Variants in PLEKHA7 observed in about 807,000 individuals in gnomAD.
PLEKHA7 encodes the protein pleckstrin homology domain-containing family A member 7.
PLEKHA7 carries 104 observed loss-of-function variants against 170.0 expected under a neutral mutation model. The observed-to-expected ratio is 0.61, with a 90% CI of 0.52 to 0.72. PLEKHA7 has a LOEUF of 0.72. PLEKHA7 is among the 30% of genes least tolerant of loss of function. PLEKHA7 has a pLI of 0.00. For synonymous variants in PLEKHA7, 648 were observed against 660.8 expected, an observed-to-expected ratio of 0.98 and a Z score of 0.30; for missense variants, 1,615 against 1,671.7, an observed-to-expected ratio of 0.97 and a Z score of 0.59.
intron 3 of PLEKHA7, among the ~76,000 whole-genome samples, chr11:16,903,853 A>G (rs1393345736): frequency 6.6e-6 from 1 of 152,248 alleles, no homozygotes; most frequent in Non-Finnish European, 1.5e-5. Flanking sequence ...CACCTGGGGC[A>G]GCACACAGTC....
intron 19 of PLEKHA7, among the ~76,000 whole-genome samples, chr11:16,793,025 G>C (rs1847965923): frequency 1.3e-5 from 2 of 152,180 alleles, no homozygotes; most frequent in South Asian, 4.1e-4. Context: ...ACCTCTCCTG[G>C]TGATCCTGAT....
chr11:16,856,056 C>A, intron 4 of PLEKHA7, 142 bp from the exon 5 acceptor site: 1 of 688,434 alleles, frequency 1.5e-6, no homozygotes, highest in Admixed American at 2.6e-5. Flanking sequence ...TGACTCCAGA[C>A]TGCAGCCAGA....
chr11:16,848,252 G>T (rs939097459), intron 8 of PLEKHA7, among the ~76,000 whole-genome samples: 2 of 152,204 alleles, frequency 1.3e-5, no homozygotes, highest in African/African-American at 4.8e-5. Flanking sequence ...AAAAAGCAAG[G>T]ATTTTGTCCT....
chr11:16,794,795 C>A, intron 18 of PLEKHA7, 81 bp from the exon 19 acceptor site: 2 of 1,538,158 alleles, frequency 1.3e-6, no homozygotes, highest in Admixed American at 3.4e-5. Context: ...AATTTAGCAC[C>A]TCGAAGACTC....
intron 10 of PLEKHA7, among the ~76,000 whole-genome samples, chr11:16,820,680 C>T (rs1424041397): frequency 3.3e-5 from 5 of 152,190 alleles, no homozygotes; most frequent in South Asian, 4.1e-4. Context: ...CCCACCCATA[C>T]GCCCTTCCTG....
intron 8 of PLEKHA7, among the ~76,000 whole-genome samples, chr11:16,847,493 A>G (rs1033214846): frequency 2.6e-5 from 4 of 152,174 alleles, no homozygotes; most frequent in African/African-American, 4.8e-5. Context: ...AGGAGTGGCT[A>G]AAAATGTGGC....
chr11:16,980,627 A>G (rs930381516), intron 3 of PLEKHA7, among the ~76,000 whole-genome samples: 4 of 152,134 alleles, frequency 2.6e-5, no homozygotes, highest in African/African-American at 9.7e-5. Context: ...AGGGGAATAA[A>G]AAACCAGCAA....
chr11:16,959,188 A>G (rs928452621), intron 3 of PLEKHA7, among the ~76,000 whole-genome samples: 1 of 151,452 alleles, frequency 6.6e-6, no homozygotes, highest in East Asian at 1.9e-4. Flanking sequence ...TCACCCAGGT[A>G]TTAGGCCCAG....
intron 3 of PLEKHA7, among the ~76,000 whole-genome samples, chr11:16,893,269 T>G (rs1430949237): frequency 6.6e-6 from 1 of 152,242 alleles, no homozygotes; most frequent in Non-Finnish European, 1.5e-5. Flanking sequence ...GAAGCCAAAC[T>G]GTTCTCCTGC....
At chr11:16,923,814 C>T (rs1326387003) in intron 3 of PLEKHA7, among the ~76,000 whole-genome samples, 4 of 152,206 alleles carry the variant, frequency 2.6e-5, no homozygotes, top group Non-Finnish European at 5.9e-5. Flanking sequence ...AGAATGTCAA[C>T]TTCCAAGACA....
chr11:16,936,172 T>C (rs977963864), intron 3 of PLEKHA7, among the ~76,000 whole-genome samples: 1 of 151,322 alleles, frequency 6.6e-6, no homozygotes, highest in Non-Finnish European at 1.5e-5. Context: ...GAGGCCGAGG[T>C]GGGCGGATCA....
intron 3 of PLEKHA7, among the ~76,000 whole-genome samples, chr11:16,956,326 C>T (rs961591454): frequency 2.0e-5 from 3 of 152,166 alleles, no homozygotes; most frequent in Admixed American, 6.5e-5. Context: ...GCCACATGCA[C>T]GTGTTGAATA....
At chr11:16,810,401 G>A (rs867064985) in intron 13 of PLEKHA7, among the ~76,000 whole-genome samples, 1 of 152,178 alleles carries the variant, frequency 6.6e-6, no homozygotes, top group Admixed American at 6.5e-5. Context: ...AAGCCGGGGG[G>A]TGCCAGCCTT....
At chr11:16,860,636 T>G (rs1853868995) in intron 4 of PLEKHA7, among the ~76,000 whole-genome samples, 1 of 152,212 alleles carries the variant, frequency 6.6e-6, no homozygotes, top group Non-Finnish European at 1.5e-5. Context: ...AGGAGGAAAC[T>G]AAGGCTCACA....
chr11:16,915,687 T>A (rs1858606043), intron 3 of PLEKHA7, among the ~76,000 whole-genome samples: 1 of 151,868 alleles, frequency 6.6e-6, no homozygotes, highest in East Asian at 1.9e-4. Context: ...ACAAAGGACA[T>A]GAACTCATCA....
At chr11:16,884,380 C>G (rs948199345) in intron 3 of PLEKHA7, among the ~76,000 whole-genome samples, 1 of 152,226 alleles carries the variant, frequency 6.6e-6, no homozygotes, top group African/African-American at 2.4e-5. Flanking sequence ...TGCCTATAAT[C>G]CCAACACTTT....
intron 3 of PLEKHA7, among the ~76,000 whole-genome samples, chr11:16,957,385 T>C (rs1456762004): frequency 1.3e-5 from 2 of 152,246 alleles, no homozygotes; most frequent in Non-Finnish European, 2.9e-5. Flanking sequence ...CCGAGGCTTA[T>C]TTAAATCGAT....
At chr11:16,807,213 A>G in intron 13 of PLEKHA7, 1 of 984,830 alleles carries the variant, frequency 1.0e-6, no homozygotes, top group Non-Finnish European at 1.2e-6. Context: ...TCAAAGGTTC[A>G]TTATTTTTAA....
chr11:16,856,660 G>A (rs912174681), intron 4 of PLEKHA7, among the ~76,000 whole-genome samples: 1 of 152,170 alleles, frequency 6.6e-6, no homozygotes, highest in Non-Finnish European at 1.5e-5. Context: ...ATCTCAGTGC[G>A]ACACTCAAGA....
Sources: gnomAD v4.1 joint callset for allele counts (sites outside exome capture counted in the v4.1 genomes callset) on GRCh38, gnomAD v4.1.1 for gene constraint, MANE v1.5 for transcripts, NCBI Gene and HGNC (gene_info 2026-07-23, HGNC 2026-07-21) for gene names.